SERHL2: variants seen among roughly 807,000 people sequenced by gnomAD.
SERHL2 encodes the protein serine hydrolase like 2, also known as serine hydrolase-like protein 2.
In SERHL2, 29 loss-of-function variants were observed where a neutral mutation model predicts 25.5. The ratio of observed to expected loss-of-function variants is 1.14; its 90% CI spans 0.85 to 1.55. The LOEUF is 1.55. Ranked by LOEUF, SERHL2 falls within the 40% of genes most tolerant of loss-of-function variation. The pLI is 0.00. For missense variants in SERHL2, 240 were observed against 252.3 expected, an observed-to-expected ratio of 0.95 and a Z score of 0.33; for synonymous variants, 95 against 103.5, an observed-to-expected ratio of 0.92 and a Z score of 0.50.
chr22:42,569,099 T>C (rs530766187), intron 9 of SERHL2: 1 of 151,676 alleles, frequency 6.6e-6, no homozygotes, highest in Non-Finnish European at 1.5e-5. Context: ...GGCAGGCTGG[T>C]TTCGAACTCC....
intron 8 of SERHL2, chr22:42,563,281 G>A (rs561601563): frequency 4.8e-5 from 10 of 210,000 alleles, no homozygotes; most frequent in Non-Finnish European, 9.2e-5. Flanking sequence ...ATGGCTCACT[G>A]CAGCCTTGGC....
intron 7 of SERHL2, among the ~76,000 whole-genome samples, chr22:42,559,650 C>A (rs1236843902): frequency 2.6e-5 from 4 of 151,118 alleles, no homozygotes; most frequent in Non-Finnish European, 5.9e-5. Flanking sequence ...ACCCGGGAGG[C>A]AGAGCTTGCA....
chr22:42,554,151 G>A (rs1921940707), intron 1 of SERHL2, 109 bp downstream of exon 1: 1 of 1,340,876 alleles, frequency 7.5e-7, no homozygotes. Flanking sequence ...CGCCCTCCTG[G>A]GTGTCGCAGC....
chr22:42,559,865 G>A (rs111734225), intron 7 of SERHL2, among the ~76,000 whole-genome samples: 1 of 151,978 alleles, frequency 6.6e-6, no homozygotes, highest in African/African-American at 2.4e-5. Flanking sequence ...AGGCTAGAGT[G>A]CAGTGGCACA....
chr22:42,573,899 T>G, intron 11 of SERHL2, 37 bp from the exon 12 acceptor site: 2 of 1,592,316 alleles, frequency 1.3e-6, no homozygotes, highest in Non-Finnish European at 8.6e-7. Context: ...TAGGCTCCTC[T>G]GGCCACACCT....
chr22:42,564,416 C>T (rs1923069439), intron 8 of SERHL2, among the ~76,000 whole-genome samples: 1 of 150,498 alleles, frequency 6.6e-6, no homozygotes, highest in Admixed American at 6.6e-5. Context: ...TAAACTGAGG[C>T]CCGACACAGG....
At chr22:42,565,742 T>A (rs1020833108) in intron 8 of SERHL2, among the ~76,000 whole-genome samples, 3 of 151,918 alleles carry the variant, frequency 2.0e-5, no homozygotes, top group Non-Finnish European at 4.4e-5. Context: ...GTGCCTGACC[T>A]CCTGCTATTC....
intron 8 of SERHL2, among the ~76,000 whole-genome samples, chr22:42,563,189 T>C (rs979976334): frequency 9.5e-6 from 1 of 105,608 alleles, no homozygotes; most frequent in Non-Finnish European, 1.7e-5. Flanking sequence ...TTTCTTTTTT[T>C]CTTTTTTTTT....
chr22:42,565,854 G>T (rs137037), intron 8 of SERHL2, among the ~76,000 whole-genome samples: 65,627 of 151,374 alleles, frequency 0.43, 16,054 homozygotes, highest in East Asian at 0.77. Context: ...TTTTTTAGTG[G>T]TTTTTGTTTG....
At chr22:42,571,343 G>A (rs1569284416) in intron 10 of SERHL2, 140 bp downstream of exon 10, 4 of 1,487,332 alleles carry the variant, frequency 2.7e-6, no homozygotes, top group Non-Finnish European at 2.7e-6. Flanking sequence ...TTTTTGGGAA[G>A]CCCCCCTGGC....
At chr22:42,570,742 C>G (rs942630598) in intron 9 of SERHL2, among the ~76,000 whole-genome samples, 6 of 152,144 alleles carry the variant, frequency 3.9e-5, no homozygotes, top group African/African-American at 1.4e-4. Context: ...GCGTGAGGTG[C>G]AGCCTATGGA....
chr22:42,572,635 G>A, intron 11 of SERHL2, 106 bp downstream of exon 11: 1 of 1,481,156 alleles, frequency 6.8e-7, no homozygotes, highest in Non-Finnish European at 9.0e-7. Flanking sequence ...CTGCCCCCAG[G>A]CCCAACAAGT....
chr22:42,567,055 G>C (rs1308681839), intron 9 of SERHL2, among the ~76,000 whole-genome samples: 1 of 152,176 alleles, frequency 6.6e-6, no homozygotes. Flanking sequence ...GTGAGGTCAT[G>C]TGTGTTGAGT....
intron 8 of SERHL2, chr22:42,563,316 A>G (rs1922931393): frequency 7.1e-6 from 2 of 280,714 alleles, no homozygotes; most frequent in South Asian, 2.7e-5. Context: ...CGATCCTCCT[A>G]CCTCAGCCTC....
chr22:42,566,854 A>G (rs1923462726), intron 9 of SERHL2, among the ~76,000 whole-genome samples: 1 of 152,286 alleles, frequency 6.6e-6, no homozygotes, highest in African/African-American at 2.4e-5. Flanking sequence ...GAGCACTTGT[A>G]TTAATAGAAA....
chr22:42,560,109 C>T (rs1254133897), intron 7 of SERHL2, 77 bp from the exon 8 acceptor site: 17 of 1,087,864 alleles, frequency 1.6e-5, no homozygotes, highest in African/African-American at 4.6e-5. Context: ...ACCGTCCCCC[C>T]CGGCCCTCCT....
rs556111380 is a variant in SERHL2 at position 42,574,327 on chromosome 22, C to A, written c.*272C>A. 123 of 531,764 alleles carry A rather than the reference C, an allele frequency of 2.3e-4. 1 individual carries two copies. The highest frequency in any genetic ancestry group is 2.2e-3 in the African/African-American group (114 of 52,208). The allele number at this position is 531,764 out of a possible 1,614,324, so 32.9% of individuals were successfully genotyped here. On this transcript the variant is annotated 3_prime_UTR_variant, in exon 12 of 12. Coordinates refer to ENST00000327678, the MANE Select transcript of SERHL2 (RefSeq NM_014509.5). ...AGGAAGGAAGGGCAGGCTGGGCCCA[C>A]CTAGCCTTTCCCTGCTGCCCAACTG...
intron 9 of SERHL2, among the ~76,000 whole-genome samples, chr22:42,568,897 C>T (rs749298392): frequency 9.9e-5 from 15 of 151,436 alleles, no homozygotes; most frequent in African/African-American, 2.2e-4. Context: ...ACTCGGGAGG[C>T]GGAGATTGCA....
chr22:42,564,453 C>T (rs1016833453), intron 8 of SERHL2, among the ~76,000 whole-genome samples: 10 of 149,638 alleles, frequency 6.7e-5, no homozygotes, highest in African/African-American at 2.0e-4. Context: ...TTTTTTGAGA[C>T]GGGGTCTTGC....
Sources: gnomAD v4.1 joint callset for allele counts (sites outside exome capture counted in the v4.1 genomes callset) on GRCh38, gnomAD v4.1.1 for gene constraint, MANE v1.5 for transcripts, NCBI Gene and HGNC (gene_info 2026-07-23, HGNC 2026-07-21) for gene names.